Variants in ENOX2 observed in about 807,000 individuals in gnomAD.
ENOX2 encodes the protein ecto-NOX disulfide-thiol exchanger 2, also known as APK1 antigen.
A neutral mutation model predicts 45.0 loss-of-function variants in ENOX2; 36 were observed. The observed-to-expected ratio is 0.80, with a 90% CI of 0.61 to 1.06. ENOX2 has a LOEUF of 1.06. ENOX2 is among the 50% of genes least tolerant of loss of function. The probability of loss-of-function intolerance (pLI) is 0.00; values close to 1 mark genes in which losing one functional copy is unlikely to be tolerated. For synonymous variants in ENOX2, 174 were observed against 152.3 expected, an observed-to-expected ratio of 1.14 and a Z score of -1.05; for missense variants, 423 against 462.5, an observed-to-expected ratio of 0.91 and a Z score of 0.78.
At chrX:130,823,877 C>G (rs1376585596) in intron 2 of ENOX2, among the ~76,000 whole-genome samples, 1 of 111,680 alleles carries the variant, frequency 9.0e-6, no homozygotes. Flanking sequence ...CAGATGTGTA[C>G]GAAAAGCCCT....
intron 3 of ENOX2, among the ~76,000 whole-genome samples, chrX:130,767,722 T>C (rs188826350): frequency 8.9e-6 from 1 of 112,369 alleles, no homozygotes; most frequent in East Asian, 2.8e-4. Context: ...CTGGGTAGCC[T>C]TAATGGTAGA....
At chrX:130,780,655 G>A (rs1339072631) in intron 3 of ENOX2, among the ~76,000 whole-genome samples, 1 of 111,455 alleles carries the variant, frequency 9.0e-6, no homozygotes, top group Non-Finnish European at 1.9e-5. Context: ...CCTGCCAAAA[G>A]GCCACTGACT....
intron 3 of ENOX2, among the ~76,000 whole-genome samples, chrX:130,749,160 A>G (rs907990189): frequency 2.7e-5 from 3 of 112,097 alleles, no homozygotes; most frequent in Admixed American, 9.5e-5. Context: ...GAAAAAGCCC[A>G]AAGTCCCTTG....
At chrX:130,871,159 G>A (rs759845256) in intron 2 of ENOX2, among the ~76,000 whole-genome samples, 8 of 111,584 alleles carry the variant, frequency 7.2e-5, no homozygotes, top group African/African-American at 2.6e-4. Context: ...AGCCATTACT[G>A]TATAACATAT....
chrX:130,802,322 C>T (rs911405196), intron 2 of ENOX2, among the ~76,000 whole-genome samples: 36 of 112,121 alleles, frequency 3.2e-4, no homozygotes, highest in African/African-American at 1.2e-3. Flanking sequence ...AACTGTATCA[C>T]CAAATATATT....
chrX:130,653,737 A>T (rs2036468083), intron 10 of ENOX2, among the ~76,000 whole-genome samples: 1 of 112,439 alleles, frequency 8.9e-6, no homozygotes, highest in African/African-American at 3.2e-5. Flanking sequence ...ATCAGCTTAT[A>T]GGACATAGTG....
At chrX:130,799,909 C>CA (rs1281598129) in intron 2 of ENOX2, among the ~76,000 whole-genome samples, 2 of 103,806 alleles carry the variant, frequency 1.9e-5, no homozygotes, top group Admixed American at 1.0e-4. Context: ...TGATGCTGCT[C>CA]AAAAAAAAAG....
At chrX:130,652,860 C>G (rs2036441620) in intron 10 of ENOX2, among the ~76,000 whole-genome samples, 1 of 112,101 alleles carries the variant, frequency 8.9e-6, no homozygotes, top group African/African-American at 3.2e-5. Flanking sequence ...TGGAAAATGA[C>G]CAGAAACTAG....
At chrX:130,766,215 T>C (rs987922939) in intron 3 of ENOX2, among the ~76,000 whole-genome samples, 2 of 111,701 alleles carry the variant, frequency 1.8e-5, no homozygotes, top group African/African-American at 6.5e-5. Context: ...TGATGTTTTA[T>C]CTCTGAACAA....
chrX:130,797,954 T>A (rs186727436), intron 2 of ENOX2, among the ~76,000 whole-genome samples: 1 of 110,639 alleles, frequency 9.0e-6, no homozygotes, highest in Admixed American at 9.7e-5. Flanking sequence ...CTGGAGGAGA[T>A]CAAGACTTTA....
intron 3 of ENOX2, among the ~76,000 whole-genome samples, chrX:130,763,449 G>T (rs2039540562): frequency 9.0e-6 from 1 of 111,254 alleles, no homozygotes; most frequent in Non-Finnish European, 1.9e-5. Context: ...TACCACTTTA[G>T]TGGGTAGGAG....
At chrX:130,756,087 C>T (rs1236665549) in intron 3 of ENOX2, among the ~76,000 whole-genome samples, 3 of 112,094 alleles carry the variant, frequency 2.7e-5, no homozygotes, top group South Asian at 7.4e-4. Flanking sequence ...TAAAGCTAAC[C>T]TGACATCTGC....
intron 3 of ENOX2, among the ~76,000 whole-genome samples, chrX:130,714,415 T>G (rs1051738466): frequency 1.8e-5 from 2 of 111,736 alleles, no homozygotes; most frequent in Non-Finnish European, 3.8e-5. Flanking sequence ...CAGGGTTCAC[T>G]GCTAAAGTTT....
At chrX:130,808,952 T>C (rs1024780570) in intron 2 of ENOX2, among the ~76,000 whole-genome samples, 6 of 112,245 alleles carry the variant, frequency 5.3e-5, no homozygotes, top group Admixed American at 9.4e-5. Flanking sequence ...AGGCTACTAA[T>C]TGACCTTGTA....
At chrX:130,803,670 T>C (rs2077255684) in intron 2 of ENOX2, among the ~76,000 whole-genome samples, 1 of 111,244 alleles carries the variant, frequency 9.0e-6, no homozygotes, top group South Asian at 3.8e-4. Context: ...AAGCCAAACA[T>C]ATATAAGAAG....
intron 2 of ENOX2, among the ~76,000 whole-genome samples, chrX:130,788,151 C>T (rs940433280): frequency 2.7e-5 from 3 of 111,994 alleles, no homozygotes; most frequent in Non-Finnish European, 5.6e-5. Flanking sequence ...AAACTAGTCC[C>T]ATTAAAATGA....
intron 12 of ENOX2, 26 bp from the exon 13 acceptor site, chrX:130,631,602 C>T (rs779421807): frequency 1.1e-6 from 1 of 937,340 alleles, no homozygotes; most frequent in South Asian, 2.0e-5. Flanking sequence ...GCTTCTAGGT[C>T]AGTTCACTTT....
intron 3 of ENOX2, among the ~76,000 whole-genome samples, chrX:130,705,067 G>A (rs1234780726): frequency 8.9e-6 from 1 of 112,440 alleles, no homozygotes. Context: ...CCAGCTAGGG[G>A]AGGTAAGTTT....
intron 2 of ENOX2, among the ~76,000 whole-genome samples, chrX:130,850,058 T>C (rs2078179804): frequency 8.9e-6 from 1 of 111,840 alleles, no homozygotes; most frequent in Admixed American, 9.5e-5. Flanking sequence ...AGATCTAATA[T>C]CCTATGACTG....
Sources: gnomAD v4.1 joint callset for allele counts (sites outside exome capture counted in the v4.1 genomes callset) on GRCh38, gnomAD v4.1.1 for gene constraint, MANE v1.5 for transcripts, NCBI Gene and HGNC (gene_info 2026-07-23, HGNC 2026-07-21) for gene names.